Variants in BTN1A1 observed in about 807,000 individuals in gnomAD.
BTN1A1 encodes butyrophilin subfamily 1 member A1.
A neutral mutation model predicts 33.1 loss-of-function variants in BTN1A1; 26 were observed. The observed-to-expected ratio is 0.79, with a 90% CI of 0.58 to 1.09. The LOEUF (loss-of-function observed/expected upper bound fraction) is 1.09. BTN1A1 is among the 50% of genes least tolerant of loss of function. The pLI is 0.00. For missense variants in BTN1A1, 558 were observed against 655.7 expected, an observed-to-expected ratio of 0.85 and a Z score of 1.63; for synonymous variants, 235 against 256.2, an observed-to-expected ratio of 0.92 and a Z score of 0.79.
chr6:26,508,492 TC>T lies in BTN1A1; in HGVS notation c.908-8del. 6.2e-7 allele frequency: 1 copy of T among 1,604,760 alleles called. No homozygotes were observed. Among genetic ancestry groups the T allele is most frequent in the South Asian group, 1.1e-5 (1 of 89,838 alleles). The stretch of plus-strand genomic sequence containing the variant: ...ACTGATGTCAGACCTGCTGTTTCTT[TC>T]TCTCCAGTTGATGTGACTCTGGACC... On this transcript the variant is annotated splice_region_variant and splice_polypyrimidine_tract_variant and intron_variant, in intron 7 of 7. Transcript: ENST00000684113.
At position 26,509,273 on chromosome 6, in the gene BTN1A1, G is replaced by A. The variant is rs567480720; in HGVS notation, c.*99G>A. On this transcript the variant is annotated 3_prime_UTR_variant, in exon 8 of 8. Transcript: ENST00000684113. The stretch of plus-strand genomic sequence containing the variant: ...AGCTTTACCCAGTCTGTTTCTTCCT[G>A]TTGGGTGGCAATTAATTAATCCTGT... The A allele has an allele frequency of 5.6e-5, 65 of 1,154,944 alleles. No homozygotes were observed. Among genetic ancestry groups the A allele is most frequent in the Non-Finnish European group, 7.5e-5 (61 of 815,910 alleles). 71.5% of individuals were successfully genotyped at this position (1,154,944 alleles called of 1,614,324 possible).
chr6:26,503,047 G>T (rs1485619064), intron 3 of BTN1A1, among the ~76,000 whole-genome samples: 3 of 152,136 alleles, frequency 2.0e-5, no homozygotes, highest in Non-Finnish European at 4.4e-5. Context: ...AAAATAGTCT[G>T]GGACCAGTGG....
In BTN1A1 at chr6:26,508,513, T is replaced by C; in HGVS notation, c.920T>C (p.Leu307Pro). ...KATLHAVDVT[L>P]DPDTAHPHLF... is the part of the protein sequence containing the mutation. Reference sequence around the variant, plus strand: ...TCTTTCTCTCCAGTTGATGTGACTCTGGACCCAGACACAGCTCATCCCCAC... The same window carrying C: ...TCTTTCTCTCCAGTTGATGTGACTCCGGACCCAGACACAGCTCATCCCCAC... The change falls in exon 8 of 8, where the codon CTG becomes CCG. Residue 307 changes from leucine to proline, a missense_variant. Leu to Pro is a moderately conservative substitution (Grantham distance 98, BLOSUM62 -3). Coordinates refer to ENST00000684113, the MANE Select transcript of BTN1A1 (RefSeq NM_001732.3). The C allele has an allele frequency of 4.3e-6, 7 of 1,612,528 alleles. No homozygotes were observed. Among genetic ancestry groups the C allele is most frequent in the Non-Finnish European group, 5.9e-6 (7 of 1,179,128 alleles).
At chr6:26,500,947 T>C (rs571436553) in intron 1 of BTN1A1, among the ~76,000 whole-genome samples, 3 of 151,732 alleles carry the variant, frequency 2.0e-5, no homozygotes, top group African/African-American at 7.2e-5. Flanking sequence ...AAAGGAGACT[T>C]TTTTTTTAGT....
At position 26,501,308 on chromosome 6, in the gene BTN1A1, G is replaced by C; in HGVS notation, c.22G>C (p.Gly8Arg). 1.2e-6 allele frequency: 2 copies of C among 1,614,048 alleles called. No homozygotes were observed. The highest frequency in any genetic ancestry group is 4.5e-5 in the East Asian group (2 of 44,878). ...GGAGATGGCAGTTTTCCCAAGCTCCGGTCTCCCCAGATGTCTGCTCACCCT... is the reference window on the plus strand; with the variant it reads ...GGAGATGGCAGTTTTCCCAAGCTCCCGTCTCCCCAGATGTCTGCTCACCCT... MAVFPSSGLPRCLLTLIL... is the reference protein window; with the variant it reads MAVFPSSRLPRCLLTLIL... Residue 8 changes from glycine (G) to arginine (R), a missense_variant, in exon 2 of 8, where the codon GGT becomes CGT. Coordinates refer to ENST00000684113, the MANE Select transcript of BTN1A1 (RefSeq NM_001732.3). This position sits in a 1 kb window ranked among gnomAD's most constrained non-coding sequence, Gnocchi z 5.2.
chr6:26,501,441 C>G lies in BTN1A1; in HGVS notation c.79+76C>G, dbSNP rs1442556787. On this transcript the variant is annotated intron_variant, in intron 2 of 7. Coordinates refer to ENST00000684113, the MANE Select transcript of BTN1A1 (RefSeq NM_001732.3). The surrounding 1 kb of genome is among the most constrained non-coding windows in gnomAD (Gnocchi z 5.2). ...GTAAAATAAACAATCCCACTTGGCT[C>G]TCCCTGGAGACCTCCACTGGATCCA... 1.3e-6 allele frequency: 2 copies of G among 1,573,054 alleles called. No individual in the cohort carries two copies. The highest frequency in any genetic ancestry group is 1.7e-6 in the Non-Finnish European group (2 of 1,144,100).
chr6:26,501,356 C>CT lies in BTN1A1; in HGVS notation c.71dup (p.Asp25GlyfsTer6). ...CCTCATTCTCCTCCAGCTGCCCAAACTGGATTCAGGTAAGTCTCTCTCTCT... is the reference window on the plus strand; with the variant it reads ...CCTCATTCTCCTCCAGCTGCCCAAACTTGGATTCAGGTAAGTCTCTCTCTCT... On this transcript the variant is annotated frameshift_variant, in exon 2 of 8. Transcript: ENST00000684113. LOFTEE classifies it high-confidence loss of function. This position sits in a 1 kb window ranked among gnomAD's most constrained non-coding sequence, Gnocchi z 5.2. 1 of 1,613,836 alleles carries CT rather than the reference C, an allele frequency of 6.2e-7. No individual in the cohort carries two copies. The highest frequency in any genetic ancestry group is 8.5e-7 in the Non-Finnish European group (1 of 1,179,760).
chr6:26,508,050 T>C lies in BTN1A1; in HGVS notation c.881-11T>C. The stretch of plus-strand genomic sequence containing the variant: ...TAACCTGTCAATGACTATCTTTCTC[T>C]TTTGTTGCAGAATGGAAAAAGGCTA... On this transcript the variant is annotated splice_polypyrimidine_tract_variant and intron_variant, in intron 6 of 7. Transcript: ENST00000684113. 2 of 1,612,698 alleles carry C rather than the reference T, an allele frequency of 1.2e-6. No homozygotes were observed. The highest frequency in any genetic ancestry group is 1.7e-6 in the Non-Finnish European group (2 of 1,179,640).
rs1763792101 is a variant in BTN1A1, at chr6:26,501,111, G to A, written c.-57-119G>A. ...AATCCATACTGGGGATGGAGGCTGA[G>A]AGGAGGTTTCAGGGGCAAATGACCA... On this transcript the variant is annotated intron_variant, in intron 1 of 7. Coordinates refer to ENST00000684113, the MANE Select transcript of BTN1A1 (RefSeq NM_001732.3). The surrounding 1 kb of genome is among the most constrained non-coding windows in gnomAD (Gnocchi z 5.2). 1 of 630,696 alleles carries A rather than the reference G, an allele frequency of 1.6e-6. No homozygotes were observed. The highest frequency in any genetic ancestry group is 2.7e-5 in the East Asian group (1 of 36,436). The allele number at this position is 630,696 out of a possible 1,614,324, so 39.1% of individuals were successfully genotyped here.
In BTN1A1 at chr6:26,501,350, C is replaced by T. The variant is rs1347143023; in HGVS notation, c.64C>T (p.Pro22Ser). The change falls in exon 2 of 8, where the codon CCC (proline) becomes TCC (serine). Residue 22 changes from proline to serine, a missense_variant. Pro to Ser is a moderately conservative substitution (Grantham distance 74). Coordinates refer to ENST00000684113, the MANE Select transcript of BTN1A1 (RefSeq NM_001732.3). The surrounding 1 kb of genome is among the most constrained non-coding windows in gnomAD (Gnocchi z 5.2). ...GCTCACCCTCATTCTCCTCCAGCTG[C>T]CCAAACTGGATTCAGGTAAGTCTCT... ...CLLTLILLQL[P>S]KLDSAPFDVI... 6.2e-7 allele frequency: 1 copy of T among 1,613,934 alleles called. No individual in the cohort carries two copies.
chr6:26,505,245 C>G (rs201312602), intron 4 of BTN1A1, 39 bp downstream of exon 4: 31 of 1,586,648 alleles, frequency 2.0e-5, no homozygotes, highest in Non-Finnish European at 2.6e-5. Flanking sequence ...TATGTTGACA[C>G]AGCTTCAGAG....
chr6:26,505,811 C>T (rs1272466784), intron 4 of BTN1A1, among the ~76,000 whole-genome samples: 1 of 152,072 alleles, frequency 6.6e-6, no homozygotes, highest in African/African-American at 2.4e-5. Context: ...AGCCTTCTCT[C>T]CTCAAGTAAA....
At chr6:26,500,502 T>G (rs1310113924) in intron 1 of BTN1A1, among the ~76,000 whole-genome samples, 144 bp downstream of exon 1, 1 of 152,196 alleles carries the variant, frequency 6.6e-6, no homozygotes, top group Non-Finnish European at 1.5e-5. Flanking sequence ...CTCCTGCTTC[T>G]TGCTCCATCT....
At position 26,507,982 on chromosome 6, in the gene BTN1A1, C is replaced by T. The variant is rs1480193465; in HGVS notation, c.880+12C>T. ...CCTGGAAGAACTCAGTAAGTTCTGTCTTCTTGTTATTTCACCCACAGAGTT... is the reference window on the plus strand; with the variant it reads ...CCTGGAAGAACTCAGTAAGTTCTGTTTTCTTGTTATTTCACCCACAGAGTT... On this transcript the variant is annotated intron_variant, in intron 6 of 7. Transcript: ENST00000684113. The T allele has an allele frequency of 6.2e-7, 1 of 1,613,932 alleles. No homozygotes were observed.
At chr6:26,504,721 T>C (rs1763846651) in intron 3 of BTN1A1, among the ~76,000 whole-genome samples, 1 of 152,104 alleles carries the variant, frequency 6.6e-6, no homozygotes, top group Non-Finnish European at 1.5e-5. Flanking sequence ...TGCCTCAGCC[T>C]CCCAAAGTGC....
intron 4 of BTN1A1, 77 bp downstream of exon 4, chr6:26,505,283 T>C: frequency 7.0e-7 from 1 of 1,427,870 alleles, no homozygotes; most frequent in South Asian, 1.3e-5. Context: ...CCTGCCCAGA[T>C]GTGACCTCAT....
rs1763851767 is a variant in BTN1A1, at chr6:26,505,113, G to C, written c.616G>C (p.Val206Leu). 1.2e-6 allele frequency: 2 copies of C among 1,614,206 alleles called. No individual in the cohort carries two copies. The highest frequency in any genetic ancestry group is 1.7e-6 in the Non-Finnish European group (2 of 1,180,002). ...AGGTTTGTTCACTGTGGCTGCTTCA[G>C]TGATCATCAGAGACACTTCTGCGAA... is the stretch of plus-strand genomic sequence containing the variant. ...EEGLFTVAAS[V>L]IIRDTSAKNV... The change falls in exon 4 of 8, where the codon GTG becomes CTG. Residue 206 changes from valine (V) to leucine (L), a missense_variant. Coordinates refer to ENST00000684113, the MANE Select transcript of BTN1A1 (RefSeq NM_001732.3).
chr6:26,501,820 A>T lies in BTN1A1; in HGVS notation c.310A>T (p.Lys104Ter). Residue 104 changes from lysine (K) to a stop codon, truncating the protein, a stop_gained, in exon 3 of 8, where the codon AAG (lysine) becomes TAG (stop). Transcript: ENST00000684113. LOFTEE classifies it high-confidence loss of function. This position sits in a 1 kb window ranked among gnomAD's most constrained non-coding sequence, Gnocchi z 5.2. ...GACGCTGGTCCAGGACGGCATCGCC[A>T]AGGGGCGCGTGGCCTTGAGGATCCG... The part of the protein sequence containing the change: ...RATLVQDGIA[K>*]GRVALRIRGV... The T allele has an allele frequency of 6.2e-7, 1 of 1,612,786 alleles. No homozygotes were observed. Among genetic ancestry groups the T allele is most frequent in the African/African-American group, 1.3e-5 (1 of 75,046 alleles).
Position 26,509,456 on chromosome 6 carries a change from C to A in BTN1A1, c.*282C>A. ...TATAGGAAACTACTTGGAGCAAACT[C>A]AAAGGACAGATTAGGGATCGAGATT... On this transcript the variant is annotated 3_prime_UTR_variant, in exon 8 of 8. Transcript: ENST00000684113. The A allele has an allele frequency of 2.8e-6, 1 of 351,390 alleles. No homozygotes were observed. Among genetic ancestry groups the A allele is most frequent in the Non-Finnish European group, 5.2e-6 (1 of 193,668 alleles). 21.8% of individuals were successfully genotyped at this position (351,390 alleles called of 1,614,324 possible). A position where few individuals can be genotyped will look rare whatever the true frequency, so the allele number is the denominator to read the frequency against.
Sources: gnomAD v4.1 joint callset for allele counts (sites outside exome capture counted in the v4.1 genomes callset) on GRCh38, gnomAD v4.1.1 for gene constraint, Gnocchi (gnomAD v3.1) non-coding constraint, MANE v1.5 for transcripts, NCBI Gene and HGNC (gene_info 2026-07-23, HGNC 2026-07-21) for gene names.